Variants in ZBTB20 observed in about 807,000 individuals in gnomAD.
ZBTB20 encodes zinc finger and BTB domain containing 20, also known as zinc finger and BTB domain-containing protein 20.
ZBTB20 carries 9 observed loss-of-function variants against 56.9 expected under a neutral mutation model. The ratio of observed to expected loss-of-function variants is 0.16; its 90% CI spans 0.10 to 0.28. The LOEUF (loss-of-function observed/expected upper bound fraction) is 0.28, where lower values mean the gene tolerates loss of function less well. Ranked by LOEUF, ZBTB20 falls within the 10% of genes least tolerant of loss-of-function variation. The pLI, the probability that ZBTB20 is intolerant of heterozygous loss-of-function variation, is 1.00. For missense variants in ZBTB20, 655 were observed against 1,003.0 expected, an observed-to-expected ratio of 0.65 and a Z score of 4.69; for synonymous variants, 417 against 420.7, an observed-to-expected ratio of 0.99 and a Z score of 0.11.
rs569570036 is a variant in ZBTB20 at position 115,129,094 on chromosome 3, G to A, written c.-703+18125C>T. On this transcript the variant is annotated intron_variant, in intron 1 of 11. Transcript: ENST00000675478. ...AGCCTGGGCGACAAAGCGAGACTCC[G>A]TCTCAAAAAAAAAAAGATCTCTCTT... Among the ~76,000 whole-genome samples, 472 of 150,988 alleles carry A rather than the reference G, an allele frequency of 3.1e-3. 1 individual carries two copies. Among genetic ancestry groups the A allele is most frequent in the African/African-American group, 0.011 (445 of 41,212 alleles).
At chr3:114,387,417 C>T (rs2108598711) in intron 8 of ZBTB20, 2 of 152,292 alleles carry the variant, frequency 1.3e-5, no homozygotes, top group South Asian at 4.2e-4. Flanking sequence ...TCTGTCCATT[C>T]TCTAGGGCCC....
intron 3 of ZBTB20, among the ~76,000 whole-genome samples, chr3:114,926,713 A>T (rs2076170911): frequency 6.6e-6 from 1 of 152,222 alleles, no homozygotes; most frequent in South Asian, 2.1e-4. Context: ...AAATTTATAT[A>T]TAACAAATAC....
At chr3:114,586,925 C>G (rs2055228129) in intron 6 of ZBTB20, among the ~76,000 whole-genome samples, 1 of 148,996 alleles carries the variant, frequency 6.7e-6, no homozygotes, top group South Asian at 2.2e-4. Context: ...TTTATTCTTT[C>G]TACAATTTTA....
intron 6 of ZBTB20, among the ~76,000 whole-genome samples, chr3:114,663,146 G>A (rs1407154103): frequency 5.5e-5 from 8 of 146,144 alleles, no homozygotes; most frequent in Non-Finnish European, 9.0e-5. Context: ...GAGAAAGGTC[G>A]GGTTACCCTC....
At chr3:114,674,139 CA>C (rs1191537089) in intron 6 of ZBTB20, among the ~76,000 whole-genome samples, 1 of 152,092 alleles carries the variant, frequency 6.6e-6, no homozygotes, top group Non-Finnish European at 1.5e-5. Context: ...ACCAAAAGCT[CA>C]AGGGGCTGAA....
intron 4 of ZBTB20, among the ~76,000 whole-genome samples, chr3:114,856,701 C>T (rs980982588): frequency 2.6e-5 from 4 of 152,218 alleles, no homozygotes; most frequent in South Asian, 2.1e-4. Context: ...GTAATTTAAG[C>T]TCCTCATGAT....
At chr3:114,993,079 T>C (rs1456122031) in intron 2 of ZBTB20, among the ~76,000 whole-genome samples, 1 of 151,992 alleles carries the variant, frequency 6.6e-6, no homozygotes, top group African/African-American at 2.4e-5. Flanking sequence ...AACATCTACC[T>C]ATTAAATGCT....
rs551773790 is a variant in ZBTB20, at chr3:114,999,287, A to G, written c.-506-24871T>C. Among the ~76,000 whole-genome samples, 18 of 129,120 alleles carry G rather than the reference A, an allele frequency of 1.4e-4. No homozygotes were observed. The East Asian group carries it at 4.9e-3, about 35-fold the overall frequency. 84.7% of individuals were successfully genotyped at this position (129,120 alleles called of 152,430 possible). Reference sequence around the variant, plus strand: ...AGGAGGAGGGAAATGAAAGGAAAGGAAAGGGGGAGGGAAATGAAAGGGGGA... The same window carrying G: ...AGGAGGAGGGAAATGAAAGGAAAGGGAAGGGGGAGGGAAATGAAAGGGGGA... On this transcript the variant is annotated intron_variant, in intron 2 of 11. Transcript: ENST00000675478.
At chr3:114,599,948 A>T (rs945208085) in intron 6 of ZBTB20, among the ~76,000 whole-genome samples, 1 of 151,996 alleles carries the variant, frequency 6.6e-6, no homozygotes, top group African/African-American at 2.4e-5. Flanking sequence ...GAAGAGAAAG[A>T]GAGCGAGCGA....
chr3:115,027,953 T>C (rs2080495093), intron 2 of ZBTB20, among the ~76,000 whole-genome samples: 1 of 150,892 alleles, frequency 6.6e-6, no homozygotes, highest in African/African-American at 2.4e-5. Context: ...GTATTTTCCA[T>C]GTATAACATG....
intron 7 of ZBTB20, among the ~76,000 whole-genome samples, chr3:114,393,029 T>C (rs1311815680): frequency 6.6e-6 from 1 of 152,234 alleles, no homozygotes; most frequent in Non-Finnish European, 1.5e-5. Context: ...TGACTCACTG[T>C]TACTCACCAG....
intron 6 of ZBTB20, among the ~76,000 whole-genome samples, chr3:114,661,327 T>C (rs564954971): frequency 1.3e-5 from 2 of 152,246 alleles, no homozygotes; most frequent in East Asian, 3.9e-4. Flanking sequence ...CTTGCTATCT[T>C]TGCTGGGCAT....
At chr3:114,749,616 G>GAAGGAAGGAAGGAAGT in intron 5 of ZBTB20, among the ~76,000 whole-genome samples, 1 of 144,602 alleles carries the variant, frequency 6.9e-6, no homozygotes, top group African/African-American at 2.5e-5. Context: ...AGGAAGGAAG[G>GAAGGAAGGAAGGAAGT]AAGGAATAAA....
At chr3:114,537,100 C>T (rs1191557063) in intron 6 of ZBTB20, among the ~76,000 whole-genome samples, 1 of 152,146 alleles carries the variant, frequency 6.6e-6, no homozygotes, top group Non-Finnish European at 1.5e-5. Flanking sequence ...ATGACTAAAA[C>T]ACCAAAAGCA....
chr3:114,899,836 T>G (rs2075035837), intron 4 of ZBTB20, among the ~76,000 whole-genome samples: 1 of 152,148 alleles, frequency 6.6e-6, no homozygotes, highest in Non-Finnish European at 1.5e-5. Flanking sequence ...GCAAACATTT[T>G]TTTTTCCCAT....
intron 6 of ZBTB20, among the ~76,000 whole-genome samples, chr3:114,559,621 T>A (rs2051739587): frequency 6.6e-6 from 1 of 152,200 alleles, no homozygotes; most frequent in Admixed American, 6.5e-5. Flanking sequence ...GGAATCTCTT[T>A]AAGCAATACC....
chr3:115,077,932 G>A (rs2082654487), intron 1 of ZBTB20, among the ~76,000 whole-genome samples: 1 of 152,150 alleles, frequency 6.6e-6, no homozygotes, highest in Non-Finnish European at 1.5e-5. Flanking sequence ...GCTTACCACG[G>A]TATTTCTCTA....
At chr3:114,368,059 G>C (rs374335957) in intron 10 of ZBTB20, among the ~76,000 whole-genome samples, 7 of 152,196 alleles carry the variant, frequency 4.6e-5, no homozygotes, top group Admixed American at 3.3e-4. Flanking sequence ...ACTTAAAACT[G>C]TAGCCGACAC....
chr3:114,620,703 A>C (rs889997651), intron 6 of ZBTB20, among the ~76,000 whole-genome samples: 1 of 152,182 alleles, frequency 6.6e-6, no homozygotes, highest in Non-Finnish European at 1.5e-5. Flanking sequence ...AGCCAATCTG[A>C]CACTGGTTGG....
Sources: allele counts gnomAD v4.1 joint callset (sites outside exome capture counted in the v4.1 genomes callset), GRCh38; gene constraint gnomAD v4.1.1; transcripts MANE v1.5; gene names NCBI Gene and HGNC (gene_info 2026-07-23, HGNC 2026-07-21).